The following SCFD2 variants were observed in gnomAD, a reference collection of about 807,000 sequenced individuals.
The protein encoded by SCFD2 is sec1 family domain-containing protein 2.
A neutral mutation model predicts 58.9 loss-of-function variants in SCFD2; 54 were observed. The observed-to-expected ratio is 0.92, with a 90% CI of 0.74 to 1.15. The LOEUF is 1.15. SCFD2 is among the 50% of genes most tolerant of loss of function. SCFD2 has a pLI of 0.00. For missense variants in SCFD2, 805 were observed against 836.6 expected, an observed-to-expected ratio of 0.96 and a Z score of 0.47; for synonymous variants, 321 against 335.9, an observed-to-expected ratio of 0.96 and a Z score of 0.49.
At chr4:53,124,300 C>G (rs910953184) in intron 5 of SCFD2, among the ~76,000 whole-genome samples, 5 of 152,174 alleles carry the variant, frequency 3.3e-5, no homozygotes, top group African/African-American at 1.2e-4. Flanking sequence ...TGTCTGATAA[C>G]CAAACTTCAC....
At chr4:53,040,281 A>G (rs926019146) in intron 5 of SCFD2, among the ~76,000 whole-genome samples, 2 of 152,182 alleles carry the variant, frequency 1.3e-5, no homozygotes, top group African/African-American at 4.8e-5. Flanking sequence ...GTAACTCAAT[A>G]TGAGAGAGGG....
chr4:53,280,472 C>A (rs1228119645), intron 3 of SCFD2, among the ~76,000 whole-genome samples: 2 of 151,888 alleles, frequency 1.3e-5, no homozygotes, highest in African/African-American at 4.8e-5. Context: ...GCTGAGATTG[C>A]CCCATTGCAC....
intron 5 of SCFD2, among the ~76,000 whole-genome samples, chr4:53,074,513 C>G (rs1188511833): frequency 1.3e-5 from 2 of 152,112 alleles, no homozygotes; most frequent in Admixed American, 6.6e-5. Context: ...TTGCCCAGAT[C>G]CATCAGAGGA....
chr4:53,233,036 T>G (rs1273696511), intron 4 of SCFD2, among the ~76,000 whole-genome samples: 5 of 152,244 alleles, frequency 3.3e-5, no homozygotes, highest in South Asian at 4.2e-4. Flanking sequence ...AGAAATACTC[T>G]AGGTATTCTG....
chr4:53,277,039 TGTGA>T (rs1731348073), intron 3 of SCFD2, among the ~76,000 whole-genome samples: 1 of 152,232 alleles, frequency 6.6e-6, no homozygotes, highest in Non-Finnish European at 1.5e-5. Context: ...ATTACTGAGT[TGTGA>T]GTGTCATTCA....
intron 5 of SCFD2, among the ~76,000 whole-genome samples, chr4:52,964,084 A>C (rs368492790): frequency 1.3e-5 from 2 of 152,214 alleles, no homozygotes; most frequent in East Asian, 3.8e-4. Flanking sequence ...ATAATGGATT[A>C]ATTAAGACCA....
At chr4:53,003,961 C>T (rs963433203) in intron 5 of SCFD2, among the ~76,000 whole-genome samples, 5 of 152,154 alleles carry the variant, frequency 3.3e-5, no homozygotes, top group Non-Finnish European at 7.4e-5. Context: ...AAAAAGCATG[C>T]CCTCCTTATT....
At chr4:53,322,749 C>T (rs1040839326) in intron 2 of SCFD2, among the ~76,000 whole-genome samples, 2 of 152,206 alleles carry the variant, frequency 1.3e-5, no homozygotes, top group Non-Finnish European at 2.9e-5. Context: ...ATTTTTCTGA[C>T]TCTAAAGGAT....
intron 4 of SCFD2, among the ~76,000 whole-genome samples, chr4:53,218,702 G>A (rs953576542): frequency 6.6e-6 from 1 of 152,196 alleles, no homozygotes; most frequent in Non-Finnish European, 1.5e-5. Context: ...CATTCCTTTG[G>A]AGGGGGAGAG....
intron 5 of SCFD2, among the ~76,000 whole-genome samples, chr4:53,100,829 G>A (rs116321918): frequency 0.012 from 1,798 of 152,150 alleles, 24 homozygotes; most frequent in Non-Finnish European, 0.016. Context: ...TATAACCAAC[G>A]TTAGAAGTAA....
chr4:53,030,193 T>C (rs916992525), intron 5 of SCFD2, among the ~76,000 whole-genome samples: 4 of 152,090 alleles, frequency 2.6e-5, no homozygotes, highest in Non-Finnish European at 5.9e-5. Context: ...TAAGAAGATA[T>C]ATGAATGGCA....
chr4:53,020,214 A>G (rs1248453197), intron 5 of SCFD2, among the ~76,000 whole-genome samples: 1 of 152,230 alleles, frequency 6.6e-6, no homozygotes, highest in African/African-American at 2.4e-5. Context: ...TGTCTGTAAC[A>G]GTACTGTACT....
intron 4 of SCFD2, among the ~76,000 whole-genome samples, chr4:53,272,759 G>A (rs1731213067): frequency 1.3e-5 from 2 of 151,976 alleles, no homozygotes; most frequent in Non-Finnish European, 2.9e-5. Context: ...GTTAAATGAC[G>A]TGAGTTAATG....
chr4:52,892,706 A>C (rs1050332993), intron 7 of SCFD2, among the ~76,000 whole-genome samples: 2 of 152,068 alleles, frequency 1.3e-5, no homozygotes, highest in Non-Finnish European at 2.9e-5. Flanking sequence ...CACACCACTT[A>C]TCTCTCCTCT....
At chr4:53,183,433 C>T (rs2148951029) in intron 4 of SCFD2, among the ~76,000 whole-genome samples, 1 of 152,090 alleles carries the variant, frequency 6.6e-6, no homozygotes, top group South Asian at 2.1e-4. Context: ...TGTTCTCACT[C>T]ATAGGTGGGA....
chr4:52,885,409 G>A (rs1022041506), intron 8 of SCFD2, among the ~76,000 whole-genome samples: 1 of 152,054 alleles, frequency 6.6e-6, no homozygotes, highest in African/African-American at 2.4e-5. Context: ...TCACCCCACC[G>A]GACTCCACCC....
intron 4 of SCFD2, among the ~76,000 whole-genome samples, chr4:53,196,557 T>C (rs1377833726): frequency 6.6e-6 from 1 of 152,166 alleles, no homozygotes; most frequent in East Asian, 1.9e-4. Flanking sequence ...GGAACTAATT[T>C]AATGTGCTCC....
chr4:53,195,518 C>T (rs576337933), intron 4 of SCFD2, among the ~76,000 whole-genome samples: 1 of 152,268 alleles, frequency 6.6e-6, no homozygotes, highest in African/African-American at 2.4e-5. Flanking sequence ...TCCTACGGAT[C>T]CTGGTTTCAC....
At chr4:53,140,421 A>G (rs1426395037) in intron 5 of SCFD2, among the ~76,000 whole-genome samples, 1 of 145,370 alleles carries the variant, frequency 6.9e-6, no homozygotes, top group Non-Finnish European at 1.5e-5. Context: ...ATAAATTTTA[A>G]TCCACAGGGC....
Sources: gnomAD v4.1 joint callset for allele counts (sites outside exome capture counted in the v4.1 genomes callset) on GRCh38, gnomAD v4.1.1 for gene constraint, MANE v1.5 for transcripts, NCBI Gene and HGNC (gene_info 2026-07-23, HGNC 2026-07-21) for gene names.